The following CNTN4 variants were observed in gnomAD, a reference collection of about 807,000 sequenced individuals.
CNTN4 encodes the protein contactin 4.
CNTN4 carries 77 observed loss-of-function variants against 122.5 expected under a neutral mutation model. That is an observed-to-expected ratio of 0.63 (90% CI 0.52 to 0.76). The LOEUF is 0.76. CNTN4 is among the 30% of genes least tolerant of loss of function. The pLI, the probability that CNTN4 is intolerant of heterozygous loss-of-function variation, is 0.00. For missense variants in CNTN4, 1,256 were observed against 1,259.1 expected (o/e 1.00, Z 0.04); for synonymous variants, 512 against 447.0 (o/e 1.15, Z -1.83).
intron 6 of CNTN4, among the ~76,000 whole-genome samples, chr3:2,774,484 A>C (rs2091235152): frequency 6.6e-6 from 1 of 152,120 alleles, no homozygotes; most frequent in Non-Finnish European, 1.5e-5. Context: ...CATCAAAATG[A>C]AGGAGGGACC....
chr3:2,779,229 G>A (rs1473219962), intron 6 of CNTN4, among the ~76,000 whole-genome samples: 1 of 149,340 alleles, frequency 6.7e-6, no homozygotes, highest in African/African-American at 2.5e-5. Flanking sequence ...TCCTTTTCAG[G>A]TTGTGGTGTT....
chr3:2,284,069 A>G (rs1204578270), intron 2 of CNTN4, among the ~76,000 whole-genome samples: 3 of 152,206 alleles, frequency 2.0e-5, no homozygotes, highest in Non-Finnish European at 4.4e-5. Flanking sequence ...AGAGGGAAAA[A>G]GGAAAGGAAA....
At chr3:3,054,863 TAA>T (rs1321551574) in intron 24 of CNTN4, among the ~76,000 whole-genome samples, 1 of 151,862 alleles carries the variant, frequency 6.6e-6, no homozygotes, top group Non-Finnish European at 1.5e-5. Flanking sequence ...TTTACAGCAA[TAA>T]AAAAAAGACT....
intron 14 of CNTN4, among the ~76,000 whole-genome samples, chr3:3,025,770 G>T (rs575343836): frequency 6.6e-6 from 1 of 152,130 alleles, no homozygotes; most frequent in South Asian, 2.1e-4. Flanking sequence ...GGAGAGAGAC[G>T]AAAACCTTTT....
At chr3:2,261,132 A>T (rs891181263) in intron 2 of CNTN4, among the ~76,000 whole-genome samples, 1 of 152,176 alleles carries the variant, frequency 6.6e-6, no homozygotes, top group Non-Finnish European at 1.5e-5. Flanking sequence ...AACACATCAC[A>T]TTTGGAGGTA....
chr3:2,473,247 A>AAAAAC (rs1559584974), intron 3 of CNTN4, among the ~76,000 whole-genome samples: 1 of 143,930 alleles, frequency 6.9e-6, no homozygotes, highest in Non-Finnish European at 1.5e-5. Flanking sequence ...AAAAAAAAAA[A>AAAAAC]AAAAACACCT....
chr3:2,374,053 G>A (rs979374769), intron 3 of CNTN4, among the ~76,000 whole-genome samples: 5 of 152,098 alleles, frequency 3.3e-5, no homozygotes, highest in African/African-American at 1.2e-4. Context: ...GGGATACATG[G>A]CAGGAATATT....
chr3:2,569,125 C>T (rs985265957), intron 3 of CNTN4, among the ~76,000 whole-genome samples: 1 of 152,164 alleles, frequency 6.6e-6, no homozygotes, highest in Non-Finnish European at 1.5e-5. Context: ...CAGCTTTCTG[C>T]CACATCAGCA....
chr3:2,640,850 T>A (rs1375987079), intron 4 of CNTN4, among the ~76,000 whole-genome samples: 2 of 152,224 alleles, frequency 1.3e-5, no homozygotes, highest in African/African-American at 4.8e-5. Context: ...CCTAGGATTA[T>A]AGGTTCTCAT....
chr3:2,486,089 A>T (rs188482974), intron 3 of CNTN4, among the ~76,000 whole-genome samples: 1 of 152,208 alleles, frequency 6.6e-6, no homozygotes. Context: ...TCCTGAGGCC[A>T]GCCAGACCAC....
chr3:2,811,456 T>TA (rs1263870962), intron 6 of CNTN4, among the ~76,000 whole-genome samples: 2 of 132,380 alleles, frequency 1.5e-5, no homozygotes, highest in Non-Finnish European at 3.6e-5. Context: ...TATTTTATTA[T>TA]TTATTTATTT....
At chr3:2,613,412 G>T (rs192376016) in intron 4 of CNTN4, among the ~76,000 whole-genome samples, 1 of 151,982 alleles carries the variant, frequency 6.6e-6, no homozygotes, top group Admixed American at 6.6e-5. Flanking sequence ...GATGCACATG[G>T]CCAGTCAAAG....
chr3:2,689,564 A>G (rs1025483285), intron 4 of CNTN4, among the ~76,000 whole-genome samples: 1 of 152,100 alleles, frequency 6.6e-6, no homozygotes, highest in Non-Finnish European at 1.5e-5. Context: ...ACCTTTTACC[A>G]TTCCTTACAG....
chr3:2,408,570 G>A (rs1274368401), intron 3 of CNTN4, among the ~76,000 whole-genome samples: 1 of 152,050 alleles, frequency 6.6e-6, no homozygotes, highest in Non-Finnish European at 1.5e-5. Flanking sequence ...GTATATTTTT[G>A]GGCATGTGAT....
At chr3:2,405,555 A>G (rs1162604245) in intron 3 of CNTN4, among the ~76,000 whole-genome samples, 3 of 152,018 alleles carry the variant, frequency 2.0e-5, no homozygotes, top group Non-Finnish European at 4.4e-5. Flanking sequence ...TAACCCATAG[A>G]ATAAAATAGA....
intron 4 of CNTN4, among the ~76,000 whole-genome samples, chr3:2,619,100 G>T (rs921984700): frequency 2.0e-5 from 3 of 152,164 alleles, no homozygotes; most frequent in African/African-American, 7.2e-5. Flanking sequence ...TCTTCATAAA[G>T]TGTAAGTTCT....
intron 13 of CNTN4, among the ~76,000 whole-genome samples, chr3:2,961,399 T>C (rs1410759081): frequency 6.6e-6 from 1 of 152,026 alleles, no homozygotes; most frequent in Non-Finnish European, 1.5e-5. Flanking sequence ...TATGTGGTGA[T>C]AGCTAACTGA....
intron 4 of CNTN4, among the ~76,000 whole-genome samples, chr3:2,583,885 T>A (rs541410475): frequency 2.2e-4 from 34 of 152,288 alleles, no homozygotes; most frequent in African/African-American, 6.5e-4. Context: ...CAGATTTAAG[T>A]GAGAAATCCA....
At chr3:2,775,581 A>G (rs377041039) in intron 6 of CNTN4, among the ~76,000 whole-genome samples, 1 of 152,012 alleles carries the variant, frequency 6.6e-6, no homozygotes, top group African/African-American at 2.4e-5. Flanking sequence ...CACCACAGCC[A>G]GCTAATTTTT....
Sources: allele counts gnomAD v4.1 joint callset (sites outside exome capture counted in the v4.1 genomes callset), GRCh38; gene constraint gnomAD v4.1.1; transcripts MANE v1.5; gene names NCBI Gene and HGNC (gene_info 2026-07-23, HGNC 2026-07-21).